RBM27: variants seen among roughly 807,000 people sequenced by gnomAD.
RBM27 encodes RNA-binding protein 27.
A neutral mutation model predicts 135.3 loss-of-function variants in RBM27; 22 were observed. The observed-to-expected ratio is 0.16, with a 90% CI of 0.12 to 0.23. RBM27 has a LOEUF of 0.23. RBM27 is among the 10% of genes least tolerant of loss of function. The pLI is 1.00. For missense variants in RBM27, 1,009 were observed against 1,281.0 expected, an observed-to-expected ratio of 0.79 and a Z score of 3.24; for synonymous variants, 481 against 442.4, an observed-to-expected ratio of 1.09 and a Z score of -1.10.
Position 146,203,632 on chromosome 5 carries a change from G to T in RBM27, c.-134G>T. ...TTCCTGTTAGGCCCCGGCCGGGGGAGTAGGTTGAAGTCTCCTAAGATGCCC... is the reference window on the plus strand; with the variant it reads ...TTCCTGTTAGGCCCCGGCCGGGGGATTAGGTTGAAGTCTCCTAAGATGCCC... On this transcript the variant is annotated 5_prime_UTR_variant, in exon 1 of 21. Coordinates refer to ENST00000265271, the MANE Select transcript of RBM27 (RefSeq NM_018989.2). 1.3e-6 allele frequency: 1 copy of T among 763,072 alleles called. No individual in the cohort carries two copies. The allele number at this position is 763,072 out of a possible 1,614,324, so 47.3% of individuals were successfully genotyped here.
chr5:146,211,595 C>A (rs762933462), intron 1 of RBM27, among the ~76,000 whole-genome samples: 1 of 150,502 alleles, frequency 6.6e-6, no homozygotes, highest in African/African-American at 2.4e-5. Flanking sequence ...TATTATCCTG[C>A]CTCAGCCTCC....
Position 146,269,491 on chromosome 5 carries a change from G to T in RBM27, c.2598G>T (p.Leu866Phe). Residue 866 changes from leucine to phenylalanine, a missense_variant, in exon 17 of 21, where the codon TTG becomes TTT. Physicochemically the swap from Leu to Phe is conservative, Grantham distance 22. Coordinates refer to ENST00000265271, the MANE Select transcript of RBM27 (RefSeq NM_018989.2). ...AAAGAGCAAATATAATGAAGACTTT[G>T]AAAGAGCTTGGAGAGAAGATCTCAC... ...PEERANIMKT[L>F]KELGEKISQL... The T allele has an allele frequency of 6.3e-7, 1 of 1,584,660 alleles. No homozygotes were observed. The highest frequency in any genetic ancestry group is 1.2e-5 in the South Asian group (1 of 85,496).
At chr5:146,237,784 T>C (rs1395560930) in intron 8 of RBM27, among the ~76,000 whole-genome samples, 1 of 152,286 alleles carries the variant, frequency 6.6e-6, no homozygotes, top group South Asian at 2.1e-4. Context: ...GCTTTCCAGG[T>C]TCAAGTGATT....
rs948814629 is a variant in RBM27, at chr5:146,203,910, G to T, written c.59+86G>T. 7.6e-6 allele frequency: 9 copies of T among 1,180,048 alleles called. No homozygotes were observed. In the South Asian group the frequency reaches 1.2e-4, roughly 15 times the overall value. 73.1% of individuals were successfully genotyped at this position (1,180,048 alleles called of 1,614,324 possible). A position where few individuals can be genotyped will look rare whatever the true frequency, so the allele number is the denominator to read the frequency against. ...TGGGGGAGGGGAGGTGGCGTGGGGG[G>T]CGGCGCTGAGGGGCCGCGGCCGGGA... On this transcript the variant is annotated intron_variant, in intron 1 of 20. Transcript: ENST00000265271.
chr5:146,273,058 G>T (rs1363773274), intron 19 of RBM27, among the ~76,000 whole-genome samples: 2 of 152,292 alleles, frequency 1.3e-5, no homozygotes, highest in Non-Finnish European at 2.9e-5. Flanking sequence ...GCCTTTTAAG[G>T]TTTAGTATAT....
chr5:146,204,792 G>T (rs956591890), intron 1 of RBM27, among the ~76,000 whole-genome samples: 1 of 152,118 alleles, frequency 6.6e-6, no homozygotes, highest in African/African-American at 2.4e-5. Flanking sequence ...TAGTATGAGG[G>T]ACCGAAAAGA....
chr5:146,252,138 C>G (rs1757917705), intron 9 of RBM27, among the ~76,000 whole-genome samples: 1 of 152,176 alleles, frequency 6.6e-6, no homozygotes, highest in Non-Finnish European at 1.5e-5. Context: ...GTTCCTTGAG[C>G]TAGTTTCTAA....
chr5:146,211,238 C>T (rs1755927729), intron 1 of RBM27, among the ~76,000 whole-genome samples: 1 of 151,968 alleles, frequency 6.6e-6, no homozygotes, highest in Admixed American at 6.6e-5. Context: ...TATGATCAAG[C>T]CACTGTACTC....
intron 19 of RBM27, among the ~76,000 whole-genome samples, chr5:146,276,000 G>A (rs913499732): frequency 6.6e-6 from 1 of 151,820 alleles, no homozygotes; most frequent in Non-Finnish European, 1.5e-5. Context: ...CTTTTATTAG[G>A]CTTTTTTCCT....
chr5:146,281,729 G>A (rs1759359100), intron 19 of RBM27, among the ~76,000 whole-genome samples: 1 of 152,180 alleles, frequency 6.6e-6, no homozygotes, highest in South Asian at 2.1e-4. Flanking sequence ...CCAGTTAAAT[G>A]TTTGCATCAA....
intron 4 of RBM27, 91 bp downstream of exon 4, chr5:146,229,128 T>C (rs1346088473): frequency 2.3e-6 from 2 of 857,878 alleles, no homozygotes; most frequent in East Asian, 2.5e-5. Context: ...TATATATACT[T>C]ACTCCTCTCT....
At chr5:146,246,539 T>C (rs945639948) in intron 8 of RBM27, among the ~76,000 whole-genome samples, 3 of 152,078 alleles carry the variant, frequency 2.0e-5, no homozygotes, top group Non-Finnish European at 4.4e-5. Flanking sequence ...TAGCTGGGCG[T>C]GTGGGCATGT....
Position 146,251,860 on chromosome 5 carries a change from A to T in RBM27, c.1429A>T (p.Thr477Ser). The change falls in exon 9 of 21, where the codon ACC becomes TCC. Residue 477 changes from threonine (T) to serine (S), a missense_variant. Thr to Ser is a moderately conservative substitution (Grantham distance 58, BLOSUM62 1). Transcript: ENST00000265271. ...ATACCATACCTCAGTCTCCAGCCCT[A>T]CCCCTCTGGTTCCAGGTAAGCTTTG... ...IGYHTSVSSP[T>S]PLVPDTYEPD... 6.2e-7 allele frequency: 1 copy of T among 1,613,890 alleles called. No individual in the cohort carries two copies. The highest frequency in any genetic ancestry group is 8.5e-7 in the Non-Finnish European group (1 of 1,179,914).
intron 1 of RBM27, among the ~76,000 whole-genome samples, chr5:146,214,586 G>A (rs1014346221): frequency 1.3e-5 from 2 of 152,166 alleles, no homozygotes; most frequent in South Asian, 2.1e-4. Context: ...AGATTATATA[G>A]TGAGGGGTCA....
chr5:146,256,317 A>T (rs1004584611), intron 10 of RBM27, among the ~76,000 whole-genome samples: 20 of 145,646 alleles, frequency 1.4e-4, no homozygotes, highest in African/African-American at 4.0e-4. Flanking sequence ...TTATATATAT[A>T]TTTTTATATA....
intron 1 of RBM27, 37 bp from the exon 2 acceptor site, chr5:146,218,948 G>T (rs951504245): frequency 7.3e-7 from 1 of 1,373,658 alleles, no homozygotes; most frequent in Non-Finnish European, 1.0e-6. Context: ...GATAAAAAGT[G>T]TTTTTTAAAA....
At chr5:146,219,207 A>AAAG in intron 2 of RBM27, 104 bp downstream of exon 2, 1 of 767,200 alleles carries the variant, frequency 1.3e-6, no homozygotes, top group Non-Finnish European at 2.1e-6. Context: ...GAAAGTAGTC[A>AAAG]GAGTCCTTTG....
In RBM27 at chr5:146,258,394, A is replaced by G. The variant is rs536304058; in HGVS notation, c.1595-55A>G. ...AGTTTTTAGCTTTTAGACTAAATAT[A>G]TTAATCATTGAGACTCCTGAAAAAC... is the stretch of plus-strand genomic sequence containing the variant. On this transcript the variant is annotated intron_variant, in intron 10 of 20. Coordinates refer to ENST00000265271, the MANE Select transcript of RBM27 (RefSeq NM_018989.2). The G allele has an allele frequency of 3.2e-5, 44 of 1,393,820 alleles. No homozygotes were observed. In the South Asian group the frequency reaches 7.0e-4, roughly 22 times the overall value. 86.3% of individuals were successfully genotyped at this position (1,393,820 alleles called of 1,614,324 possible).
intron 9 of RBM27, among the ~76,000 whole-genome samples, chr5:146,253,374 T>C (rs539412410): frequency 5.3e-5 from 8 of 152,200 alleles, no homozygotes; most frequent in Non-Finnish European, 7.3e-5. Context: ...AAAAAATCTC[T>C]AATAGGAATG....
Sources: gnomAD v4.1 joint callset for allele counts (sites outside exome capture counted in the v4.1 genomes callset) on GRCh38, gnomAD v4.1.1 for gene constraint, MANE v1.5 for transcripts, NCBI Gene and HGNC (gene_info 2026-07-23, HGNC 2026-07-21) for gene names.